Variants in INPP5B observed in about 807,000 individuals in gnomAD.
INPP5B encodes the protein inositol polyphosphate-5-phosphatase B.
INPP5B carries 90 observed loss-of-function variants against 118.5 expected under a neutral mutation model. That is an observed-to-expected ratio of 0.76 (90% CI 0.64 to 0.90). The LOEUF is 0.90. INPP5B is among the 40% of genes least tolerant of loss of function. The probability of loss-of-function intolerance (pLI) is 0.00; values close to 1 mark genes in which losing one functional copy is unlikely to be tolerated. For missense variants in INPP5B, 984 were observed against 1,125.6 expected (o/e 0.87, Z 1.80); for synonymous variants, 385 against 418.9 (o/e 0.92, Z 0.99).
chr1:37,868,901 G>T (rs369654147), intron 19 of INPP5B, among the ~76,000 whole-genome samples: 1 of 152,202 alleles, frequency 6.6e-6, no homozygotes, highest in East Asian at 1.9e-4. Context: ...CCAGAGAGAA[G>T]TTGCGGTCTG....
In INPP5B at chr1:37,932,153, GCAC is replaced by G. The variant is rs563363405; in HGVS notation, c.392-103_392-101del. On this transcript the variant is annotated intron_variant, in intron 6 of 23. Transcript: ENST00000373024. ...GAGACTCCGGCCCTGTTTCTCCCGCGCACAGAAGGGTTCTGTGCGCACTGAGGT... is the reference window on the plus strand; with the variant it reads ...GAGACTCCGGCCCTGTTTCTCCCGCGAGAAGGGTTCTGTGCGCACTGAGGT... 0.14 allele frequency: 181,241 copies of G among 1,292,204 alleles called. 12,964 individuals carry two copies. Among genetic ancestry groups the G allele is most frequent in the East Asian group, 0.17 (6,431 of 38,706 alleles). The allele number at this position is 1,292,204 out of a possible 1,614,324, so 80.0% of individuals were successfully genotyped here. A position where few individuals can be genotyped will look rare whatever the true frequency, so the allele number is the denominator to read the frequency against.
At chr1:37,908,152 T>C (rs1286635778) in intron 7 of INPP5B, among the ~76,000 whole-genome samples, 2 of 152,216 alleles carry the variant, frequency 1.3e-5, no homozygotes, top group Non-Finnish European at 1.5e-5. Flanking sequence ...AACAGCCCTG[T>C]TGCTCACACA....
chr1:37,872,252 C>T (rs1342116407), intron 19 of INPP5B, among the ~76,000 whole-genome samples: 1 of 151,514 alleles, frequency 6.6e-6, no homozygotes, highest in Non-Finnish European at 1.5e-5. Flanking sequence ...TGCCTGTAGT[C>T]CCAGCTACTC....
chr1:37,887,239 G>A, intron 11 of INPP5B, 112 bp downstream of exon 11: 5 of 805,102 alleles, frequency 6.2e-6, no homozygotes, highest in South Asian at 5.0e-5. Flanking sequence ...AATGAAAATT[G>A]CGGGATAATT....
intron 5 of INPP5B, among the ~76,000 whole-genome samples, chr1:37,943,174 ATT>A (rs1645995785): frequency 6.6e-6 from 1 of 151,054 alleles, no homozygotes; most frequent in African/African-American, 2.4e-5. Flanking sequence ...CTAATTTTGT[ATT>A]TTTAGTAGAG....
chr1:37,921,868 G>A (rs1187880985), intron 7 of INPP5B, among the ~76,000 whole-genome samples: 1 of 152,122 alleles, frequency 6.6e-6, no homozygotes, highest in Non-Finnish European at 1.5e-5. Context: ...TTAGCCAGGC[G>A]TGGTGGCGGG....
At chr1:37,895,749 G>A (rs938515375) in intron 7 of INPP5B, among the ~76,000 whole-genome samples, 8 of 152,306 alleles carry the variant, frequency 5.3e-5, no homozygotes, top group South Asian at 4.1e-4. Context: ...TCCTAACCGC[G>A]AGTGATCCGC....
intron 7 of INPP5B, among the ~76,000 whole-genome samples, chr1:37,915,921 T>C (rs1644846475): frequency 6.6e-6 from 1 of 152,216 alleles, no homozygotes; most frequent in Non-Finnish European, 1.5e-5. Context: ...AATTGCTGTC[T>C]TCTTTTCCCA....
chr1:37,938,872 C>T (rs574580855), intron 6 of INPP5B, among the ~76,000 whole-genome samples: 5 of 152,184 alleles, frequency 3.3e-5, no homozygotes, highest in Admixed American at 2.0e-4. Context: ...CCCTGACCAA[C>T]GTGGTGAAAC....
At chr1:37,918,868 C>T (rs781708124) in intron 7 of INPP5B, among the ~76,000 whole-genome samples, 1 of 152,204 alleles carries the variant, frequency 6.6e-6, no homozygotes, top group Non-Finnish European at 1.5e-5. Flanking sequence ...TAATCCCCCA[C>T]TGCTTTAATA....
At position 37,917,308 on chromosome 1, in the gene INPP5B, T is replaced by TTATATATATATATATATATATATA. The variant is rs368327131; in HGVS notation, c.532+14581_532+14604dup. On this transcript the variant is annotated intron_variant, in intron 7 of 23. Transcript: ENST00000373024. ...CGTCTCGGGGGAAAAAAAAAAATAA[T>TTATATATATATATATATATATATA]TATATATATATATATATATATATAT... Among the ~76,000 whole-genome samples the TTATATATATATATATATATATATA allele has an allele frequency of 5.6e-3, 516 of 92,596 alleles. 9 individuals are homozygous for TTATATATATATATATATATATATA. Among genetic ancestry groups the TTATATATATATATATATATATATA allele is most frequent in the Non-Finnish European group, 7.1e-3 (346 of 48,696 alleles). 60.7% of individuals were successfully genotyped at this position (92,596 alleles called of 152,430 possible). A position where few individuals can be genotyped will look rare whatever the true frequency, so the allele number is the denominator to read the frequency against.
chr1:37,916,708 G>A (rs1168617820), intron 7 of INPP5B, among the ~76,000 whole-genome samples: 2 of 152,072 alleles, frequency 1.3e-5, no homozygotes, highest in East Asian at 1.9e-4. Flanking sequence ...GAACCACTGC[G>A]TCCAGCCAGT....
At chr1:37,862,661 C>T (rs1314828167) in intron 23 of INPP5B, among the ~76,000 whole-genome samples, 2 of 152,188 alleles carry the variant, frequency 1.3e-5, no homozygotes, top group African/African-American at 4.8e-5. Context: ...CTGAATACTA[C>T]AGGCAATTGT....
At chr1:37,904,397 ATTGT>A (rs775498806) in intron 7 of INPP5B, among the ~76,000 whole-genome samples, 3 of 152,166 alleles carry the variant, frequency 2.0e-5, no homozygotes, top group African/African-American at 4.8e-5. Flanking sequence ...GGGTTAAAGG[ATTGT>A]TTAAGTTAAA....
chr1:37,939,397 C>G (rs980048267), intron 6 of INPP5B, among the ~76,000 whole-genome samples: 2 of 151,414 alleles, frequency 1.3e-5, no homozygotes, highest in South Asian at 2.1e-4. Context: ...AACCTCTTAA[C>G]CAGGCATTCA....
At chr1:37,899,177 C>CAA (rs34526336) in intron 7 of INPP5B, among the ~76,000 whole-genome samples, 8,099 of 116,922 alleles carry the variant, frequency 0.069, 677 homozygotes, top group East Asian at 0.21. Flanking sequence ...GTGAAACTGT[C>CAA]AAAAAAAAAA....
chr1:37,906,024 T>C (rs1186533712), intron 7 of INPP5B, among the ~76,000 whole-genome samples: 1 of 152,262 alleles, frequency 6.6e-6, no homozygotes, highest in South Asian at 2.1e-4. Flanking sequence ...TCTCAACTTA[T>C]GGCAATATAA....
At chr1:37,906,930 T>G (rs574011897) in intron 7 of INPP5B, among the ~76,000 whole-genome samples, 2 of 152,222 alleles carry the variant, frequency 1.3e-5, no homozygotes, top group South Asian at 4.2e-4. Context: ...CAGTTGTGTT[T>G]ACGTTTTTTC....
chr1:37,888,402 A>G, intron 9 of INPP5B, 58 bp from the exon 10 acceptor site: 2 of 1,068,008 alleles, frequency 1.9e-6, no homozygotes, highest in Non-Finnish European at 2.6e-6. Flanking sequence ...AACAGGAGAA[A>G]GCATTTTATG....
Sources: gnomAD v4.1 joint callset for allele counts (sites outside exome capture counted in the v4.1 genomes callset) on GRCh38, gnomAD v4.1.1 for gene constraint, MANE v1.5 for transcripts, NCBI Gene and HGNC (gene_info 2026-07-23, HGNC 2026-07-21) for gene names.